Variants in KLF15 observed in about 807,000 individuals in gnomAD.
KLF15 encodes KLF transcription factor 15.
Under a neutral mutation model 24.6 loss-of-function variants are expected in KLF15, and 4 were observed. The observed-to-expected ratio is 0.16, with a 90% CI of 0.08 to 0.37. KLF15 has a LOEUF of 0.37. Ranked by LOEUF, KLF15 falls within the 10% of genes least tolerant of loss-of-function variation. The probability of loss-of-function intolerance (pLI) is 1.00; values close to 1 mark genes in which losing one functional copy is unlikely to be tolerated. For missense variants in KLF15, 496 were observed against 560.6 expected (o/e 0.88, Z 1.16); for synonymous variants, 246 against 236.3 (o/e 1.04, Z -0.37).
At position 126,352,582 on chromosome 3, in the gene KLF15, G is replaced by T; in HGVS notation, c.341C>A (p.Pro114His). The T allele has an allele frequency of 6.2e-7, 1 of 1,612,550 alleles. No homozygotes were observed. Among genetic ancestry groups the T allele is most frequent in the Non-Finnish European group, 8.5e-7 (1 of 1,179,904 alleles). ...CAAGCAGAAATGCTCCCCCTTCACAGGGGCCGCTGCCCTTCGCCAGGGCCC... is the reference window on the plus strand; with the variant it reads ...CAAGCAGAAATGCTCCCCCTTCACATGGGCCGCTGCCCTTCGCCAGGGCCC... ...AWGPWRRAAAPVKGEHFCLPE... is the reference protein window; with the variant it reads ...AWGPWRRAAAHVKGEHFCLPE... Residue 114 changes from proline (P) to histidine (H), a missense_variant, in exon 2 of 3, where the codon CCT (proline) becomes CAT (histidine). Pro to His is a moderately conservative substitution (Grantham distance 77). Around this residue, in one of 3 missense-constraint regions of KLF15, gnomAD observed 399 missense variants for 423.1 expected, o/e 0.94. Transcript: ENST00000296233.
intron 2 of KLF15, among the ~76,000 whole-genome samples, chr3:126,345,553 T>TCA (rs35986386): frequency 0.33 from 49,544 of 149,662 alleles, 8,233 homozygotes; most frequent in African/African-American, 0.37. Flanking sequence ...CCACACATAC[T>TCA]CACACACACA....
chr3:126,323,357 G>A, the KLF15 span, among the ~76,000 whole-genome samples: 1 of 133,456 alleles, frequency 7.5e-6, no homozygotes, highest in African/African-American at 2.8e-5. Flanking sequence ...AAACATCAGT[G>A]CATATTTCCT....
At chr3:126,349,969 A>C (rs1462374626) in intron 2 of KLF15, among the ~76,000 whole-genome samples, 2 of 152,202 alleles carry the variant, frequency 1.3e-5, no homozygotes, top group African/African-American at 4.8e-5. Context: ...ATGTACAAAC[A>C]ACAAGGAGGC....
the KLF15 span, among the ~76,000 whole-genome samples, chr3:126,331,202 T>G: frequency 3.9e-5 from 6 of 152,276 alleles, no homozygotes; most frequent in African/African-American, 1.4e-4. Flanking sequence ...CCTGCCCTTC[T>G]GTGGAGGTCT....
In KLF15 at chr3:126,343,578, C is replaced by T. The variant is rs894985549; in HGVS notation, c.*149G>A. The T allele has an allele frequency of 1.7e-5, 13 of 753,226 alleles. No individual in the cohort carries two copies. Among genetic ancestry groups the T allele is most frequent in the African/African-American group, 9.1e-5 (5 of 55,046 alleles). The allele number at this position is 753,226 out of a possible 1,614,324, so 46.7% of individuals were successfully genotyped here. The stretch of plus-strand genomic sequence containing the variant: ...TACTCCCGAGAAAGGCAGCGGTTGG[C>T]GGGCCCTGGGTTCACACCTCCCAGG... On this transcript the variant is annotated 3_prime_UTR_variant, in exon 3 of 3. Transcript: ENST00000296233.
chr3:126,327,324 G>A, the KLF15 span, among the ~76,000 whole-genome samples: 41 of 152,100 alleles, frequency 2.7e-4, no homozygotes, highest in Admixed American at 2.2e-3. Flanking sequence ...CTTTTCCTCC[G>A]AGGCAAACAG....
Position 126,352,935 on chromosome 3 carries a change from G to C in KLF15, c.-13C>G, listed in dbSNP as rs764007077. On this transcript the variant is annotated 5_prime_UTR_variant, in exon 2 of 3. Coordinates refer to ENST00000296233, the MANE Select transcript of KLF15 (RefSeq NM_014079.4). ...AGTGGTCCACCATGCTGGCCTGGCC[G>C]TGCCGGTGGCGGCTGCAGGAAAGGA... 4.4e-6 allele frequency: 7 copies of C among 1,584,152 alleles called. No homozygotes were observed. The highest frequency in any genetic ancestry group is 6.0e-6 in the Non-Finnish European group (7 of 1,163,920).
intron 2 of KLF15, among the ~76,000 whole-genome samples, chr3:126,347,270 A>G (rs548927438): frequency 6.6e-6 from 1 of 152,304 alleles, no homozygotes; most frequent in South Asian, 2.1e-4. Context: ...CTGCAATGGA[A>G]ATGGTGCTCC....
chr3:126,328,936 T>A, the KLF15 span, among the ~76,000 whole-genome samples: 4 of 152,376 alleles, frequency 2.6e-5, no homozygotes, highest in African/African-American at 9.6e-5. Context: ...AACAGTTTTG[T>A]GCATTCCAGA....
the KLF15 span, among the ~76,000 whole-genome samples, chr3:126,318,262 A>C: frequency 6.6e-6 from 1 of 152,214 alleles, no homozygotes; most frequent in East Asian, 1.9e-4. Context: ...TTTCCAAAAT[A>C]TGAGGGAGGA....
chr3:126,330,846 A>T, the KLF15 span, among the ~76,000 whole-genome samples: 1 of 152,234 alleles, frequency 6.6e-6, no homozygotes, highest in Admixed American at 6.5e-5. Context: ...TCATGTGAAT[A>T]ACCAGTGTCT....
chr3:126,288,145 C>T, the KLF15 span: 1 of 152,236 alleles, frequency 6.6e-6, no homozygotes, highest in Non-Finnish European at 1.5e-5. Flanking sequence ...CAGCACGCCC[C>T]AACAGACATG....
At chr3:126,300,907 A>G in the KLF15 span, among the ~76,000 whole-genome samples, 2 of 152,214 alleles carry the variant, frequency 1.3e-5, no homozygotes, top group African/African-American at 4.8e-5. Flanking sequence ...AGGCCAGGGC[A>G]AGACTTGAGG....
the KLF15 span, among the ~76,000 whole-genome samples, chr3:126,321,239 G>T: frequency 6.6e-6 from 1 of 152,180 alleles, no homozygotes; most frequent in African/African-American, 2.4e-5. Context: ...CCAGCAAGGG[G>T]CCAGGGCCAC....
the KLF15 span, among the ~76,000 whole-genome samples, chr3:126,330,016 C>T: frequency 3.3e-5 from 5 of 152,104 alleles, no homozygotes; most frequent in African/African-American, 4.8e-5. Context: ...TGGGCTTGGC[C>T]GTATGACTTG....
In KLF15 at chr3:126,352,586, C is replaced by A; in HGVS notation, c.337G>T (p.Ala113Ser). Residue 113 changes from alanine to serine, a missense_variant, in exon 2 of 3, where the codon GCC becomes TCC. By Grantham distance (99) the Ala-to-Ser change is moderately conservative. Coordinates refer to ENST00000296233, the MANE Select transcript of KLF15 (RefSeq NM_014079.4). The stretch of plus-strand genomic sequence containing the variant: ...CAGAAATGCTCCCCCTTCACAGGGG[C>A]CGCTGCCCTTCGCCAGGGCCCCCAG... ...VAWGPWRRAA[A>S]PVKGEHFCLP... The A allele has an allele frequency of 6.2e-7, 1 of 1,612,254 alleles. No homozygotes were observed. Among genetic ancestry groups the A allele is most frequent in the Non-Finnish European group, 8.5e-7 (1 of 1,179,786 alleles).
At chr3:126,341,469 C>T (rs141954475), downstream of KLF15, among the ~76,000 whole-genome samples, 32 of 152,300 alleles carry the variant, frequency 2.1e-4, no homozygotes, top group Non-Finnish European at 3.8e-4. Context: ...TGAAGAAAGC[C>T]CATGTTAACA....
intron 2 of KLF15, among the ~76,000 whole-genome samples, chr3:126,351,370 G>A (rs1180609475): frequency 6.6e-6 from 1 of 152,234 alleles, no homozygotes; most frequent in Non-Finnish European, 1.5e-5. Flanking sequence ...TCCGGCCTCT[G>A]GGTTCAAATC....
chr3:126,295,022 A>G, the KLF15 span, among the ~76,000 whole-genome samples: 1 of 152,122 alleles, frequency 6.6e-6, no homozygotes, highest in Non-Finnish European at 1.5e-5. Context: ...ATACACACAT[A>G]CACATGTGCA....
Sources: gnomAD v4.1 joint callset for allele counts (sites outside exome capture counted in the v4.1 genomes callset) on GRCh38, gnomAD v4.1.1 for gene constraint, gnomAD v4.1.1 regional missense constraint, MANE v1.5 for transcripts, NCBI Gene and HGNC (gene_info 2026-07-23, HGNC 2026-07-21) for gene names.